SLC24A3: variants seen among roughly 807,000 people sequenced by gnomAD.
SLC24A3 encodes the protein solute carrier family 24 member 3, also known as sodium/potassium/calcium exchanger 3.
SLC24A3 carries 28 observed loss-of-function variants against 75.8 expected under a neutral mutation model. The ratio of observed to expected loss-of-function variants is 0.37; its 90% confidence interval spans 0.27 to 0.51. The LOEUF (loss-of-function observed/expected upper bound fraction) is 0.51. Among genes scored for constraint, SLC24A3 ranks in the 20% least tolerant of loss-of-function variants. The pLI, the probability that SLC24A3 is intolerant of heterozygous loss-of-function variation, is 0.94. For synonymous variants in SLC24A3, 372 were observed against 334.1 expected, an observed-to-expected ratio of 1.11 and a Z score of -1.24; for missense variants, 663 against 847.8, an observed-to-expected ratio of 0.78 and a Z score of 2.71.
intron 2 of SLC24A3, among the ~76,000 whole-genome samples, chr20:19,318,367 G>C (rs763813970): frequency 2.6e-5 from 4 of 152,156 alleles, no homozygotes; most frequent in Non-Finnish European, 5.9e-5. Flanking sequence ...TAGACCTAGG[G>C]AAGAAGTAAT....
At chr20:19,514,220 C>T (rs751917367) in intron 2 of SLC24A3, among the ~76,000 whole-genome samples, 91 of 152,214 alleles carry the variant, frequency 6.0e-4, no homozygotes, top group Non-Finnish European at 2.2e-4. Context: ...TCTCAGAGGT[C>T]ATCCACTCAC....
At position 19,261,235 on chromosome 20, in the gene SLC24A3, A is replaced by G. The variant is rs1170894531; in HGVS notation, c.143-19724A>G. Among the ~76,000 whole-genome samples, 4 of 152,298 alleles carry G rather than the reference A, an allele frequency of 2.6e-5. No homozygotes were observed. In the East Asian group the frequency reaches 7.7e-4, roughly 29 times the overall value. ...TTAGAGCTGAGAGGTGCTAGAGCTG[A>G]CTGACAGGCTGTCCTGATGGAGACA... On this transcript the variant is annotated intron_variant, in intron 1 of 16. Coordinates refer to ENST00000328041, the MANE Select transcript of SLC24A3 (RefSeq NM_020689.4).
Position 19,246,562 on chromosome 20 carries a change from A to C in SLC24A3, c.142+33578A>C, listed in dbSNP as rs148101922. Among the ~76,000 whole-genome samples the C allele has an allele frequency of 2.8e-3, 430 of 152,328 alleles. 1 individual carries two copies. Among genetic ancestry groups the C allele is most frequent in the African/African-American group, 9.8e-3 (409 of 41,592 alleles). On this transcript the variant is annotated intron_variant, in intron 1 of 16. Coordinates refer to ENST00000328041, the MANE Select transcript of SLC24A3 (RefSeq NM_020689.4). ...ATTGACATTTTTTCTAGAAAAGTAT[A>C]ACAACATTGACTGAACAAGAAATCG... is the stretch of plus-strand genomic sequence containing the variant.
intron 6 of SLC24A3, among the ~76,000 whole-genome samples, chr20:19,637,959 T>C (rs2032021226): frequency 6.6e-6 from 1 of 152,078 alleles, no homozygotes; most frequent in Admixed American, 6.5e-5. Context: ...TTCATTTTTC[T>C]TTTTTTTAAA....
In SLC24A3 at chr20:19,721,337, C is replaced by T. The variant is rs2033103243; in HGVS notation, c.*197C>T. 11 of 570,762 alleles carry T rather than the reference C, an allele frequency of 1.9e-5. No homozygotes were observed. Among genetic ancestry groups the T allele is most frequent in the Non-Finnish European group, 2.7e-5 (9 of 333,786 alleles). The allele number at this position is 570,762 out of a possible 1,614,324, so 35.4% of individuals were successfully genotyped here. The stretch of plus-strand genomic sequence containing the variant: ...CCCCCACCTCCTTGGGTCATGCCCA[C>T]CCACCCTTTCCTGCCTCCTCCGTGT... On this transcript the variant is annotated 3_prime_UTR_variant, in exon 17 of 17. Transcript: ENST00000328041.
intron 2 of SLC24A3, among the ~76,000 whole-genome samples, chr20:19,371,170 G>C (rs1480532856): frequency 2.6e-5 from 4 of 152,154 alleles, no homozygotes; most frequent in Non-Finnish European, 5.9e-5. Context: ...AAGCAGTGTA[G>C]AACAGGCACC....
chr20:19,635,879 A>G (rs1275616456), intron 6 of SLC24A3, among the ~76,000 whole-genome samples: 2 of 152,098 alleles, frequency 1.3e-5, no homozygotes, highest in Non-Finnish European at 2.9e-5. Flanking sequence ...GGTGGCTTAC[A>G]CCTGTAATCC....
At chr20:19,224,120 G>C (rs1981809736) in intron 1 of SLC24A3, among the ~76,000 whole-genome samples, 1 of 90,874 alleles carries the variant, frequency 1.1e-5, no homozygotes, top group South Asian at 3.4e-4. Flanking sequence ...GTGAGTGTGT[G>C]AGTGTGTGTG....
At chr20:19,231,421 G>A (rs1982019547) in intron 1 of SLC24A3, among the ~76,000 whole-genome samples, 1 of 152,200 alleles carries the variant, frequency 6.6e-6, no homozygotes, top group Admixed American at 6.5e-5. Context: ...TATCAGGGTG[G>A]GCTCCGTGCA....
chr20:19,644,404 G>A (rs1180360732), intron 6 of SLC24A3, among the ~76,000 whole-genome samples: 2 of 152,118 alleles, frequency 1.3e-5, no homozygotes, highest in Non-Finnish European at 2.9e-5. Flanking sequence ...AGGTCTGGAG[G>A]GAGGTCTGAG....
rs143530152 is a variant in SLC24A3 at position 19,231,744 on chromosome 20, A to G, written c.142+18760A>G. 2.0e-5 allele frequency among the ~76,000 whole-genome samples: 3 copies of G among 152,358 alleles called. No homozygotes were observed. The East Asian group carries it at 5.8e-4, about 29-fold the overall frequency. ...TGTGGTAATTTATTACAGCAGCAAT[A>G]GGAAACGCACGCACCCAGTGTATCG... is the stretch of plus-strand genomic sequence containing the variant. On this transcript the variant is annotated intron_variant, in intron 1 of 16. Transcript: ENST00000328041.
chr20:19,310,302 C>G (rs1473983149), intron 2 of SLC24A3, among the ~76,000 whole-genome samples: 1 of 152,200 alleles, frequency 6.6e-6, no homozygotes, highest in African/African-American at 2.4e-5. Context: ...GCTCAGCCCC[C>G]ACCAGGAAAA....
At chr20:19,711,928 G>A (rs750838187) in intron 15 of SLC24A3, among the ~76,000 whole-genome samples, 13 of 151,556 alleles carry the variant, frequency 8.6e-5, no homozygotes, top group South Asian at 2.1e-4. Flanking sequence ...GTGAGCTACC[G>A]CGCCTGGCCG....
chr20:19,312,477 T>A (rs1418177414), intron 2 of SLC24A3, among the ~76,000 whole-genome samples: 1 of 152,142 alleles, frequency 6.6e-6, no homozygotes, highest in Non-Finnish European at 1.5e-5. Flanking sequence ...GGTAAAAAGT[T>A]AAAATCATTC....
At chr20:19,619,796 A>C (rs896657014) in intron 6 of SLC24A3, among the ~76,000 whole-genome samples, 15 of 152,194 alleles carry the variant, frequency 9.9e-5, no homozygotes, top group Non-Finnish European at 2.1e-4. Flanking sequence ...TTGTTGGTGA[A>C]TGACAGCTGA....
chr20:19,218,243 C>T (rs926375525), intron 1 of SLC24A3, among the ~76,000 whole-genome samples: 3 of 152,148 alleles, frequency 2.0e-5, no homozygotes, highest in Non-Finnish European at 4.4e-5. Flanking sequence ...ATTAGGTTGG[C>T]GCAAAACTAA....
intron 2 of SLC24A3, among the ~76,000 whole-genome samples, chr20:19,463,950 C>T (rs568712615): frequency 4.6e-5 from 7 of 152,318 alleles, no homozygotes; most frequent in African/African-American, 9.6e-5. Context: ...ACTCTTAAAG[C>T]CCTGTTGAAA....
chr20:19,692,741 C>T (rs1210050375), intron 12 of SLC24A3, among the ~76,000 whole-genome samples: 1 of 152,116 alleles, frequency 6.6e-6, no homozygotes, highest in African/African-American at 2.4e-5. Context: ...TAGGGAGAGC[C>T]TTCAAATCCT....
intron 2 of SLC24A3, among the ~76,000 whole-genome samples, chr20:19,316,299 A>G (rs997001365): frequency 2.0e-5 from 3 of 152,184 alleles, no homozygotes; most frequent in African/African-American, 7.2e-5. Context: ...CACAGTTCCT[A>G]CCTCTTGGTG....
Sources: gnomAD v4.1 joint callset for allele counts (sites outside exome capture counted in the v4.1 genomes callset) on GRCh38, gnomAD v4.1.1 for gene constraint, MANE v1.5 for transcripts, NCBI Gene and HGNC (gene_info 2026-07-23, HGNC 2026-07-21) for gene names.